Variants in SPHKAP observed in about 807,000 individuals in gnomAD.
SPHKAP encodes SPHK1 interactor, AKAP domain containing.
In SPHKAP, 67 loss-of-function variants were observed where a neutral mutation model predicts 137.5. The observed-to-expected ratio is 0.49, with a 90% CI of 0.40 to 0.60. The LOEUF is 0.60. Among genes scored for constraint, SPHKAP ranks in the 20% least tolerant of loss-of-function variants. SPHKAP has a pLI of 0.00. For missense variants in SPHKAP, 2,097 were observed against 2,069.3 expected, an observed-to-expected ratio of 1.01 and a Z score of -0.26; for synonymous variants, 813 against 785.3, an observed-to-expected ratio of 1.04 and a Z score of -0.59.
chr2:228,026,978 C>G (rs1695065140), intron 4 of SPHKAP, among the ~76,000 whole-genome samples: 1 of 152,206 alleles, frequency 6.6e-6, no homozygotes, highest in African/African-American at 2.4e-5. Context: ...ATTGTATCAG[C>G]AGGCTCTTGT....
intron 3 of SPHKAP, among the ~76,000 whole-genome samples, chr2:228,093,133 GT>G (rs1429912608): frequency 6.6e-6 from 1 of 152,174 alleles, no homozygotes; most frequent in Non-Finnish European, 1.5e-5. Context: ...ATAATAACAA[GT>G]TTTGGTGAAG....
chr2:228,178,570 C>T (rs964011441), intron 1 of SPHKAP, among the ~76,000 whole-genome samples: 8 of 151,662 alleles, frequency 5.3e-5, no homozygotes, highest in South Asian at 2.1e-4. Context: ...TCTAATTTTG[C>T]GACTTAGCAA....
At chr2:228,087,003 C>CATTGTTGAAATAT (rs1356121853) in intron 3 of SPHKAP, among the ~76,000 whole-genome samples, 3 of 152,070 alleles carry the variant, frequency 2.0e-5, no homozygotes, top group African/African-American at 7.2e-5. Flanking sequence ...ATTTATAGCC[C>CATTGTTGAAATAT]AGGGCATTGT....
intron 3 of SPHKAP, among the ~76,000 whole-genome samples, chr2:228,098,759 TAA>T (rs35722602): frequency 0.11 from 14,786 of 138,682 alleles, 819 homozygotes; most frequent in African/African-American, 0.15. Context: ...CCTTAAAGTA[TAA>T]AAAAAAAAAA....
intron 4 of SPHKAP, chr2:228,025,796 G>C (rs1695012914): frequency 1.2e-6 from 1 of 865,498 alleles, no homozygotes. Context: ...CATTATGATA[G>C]TAATTACTAT....
chr2:228,160,237 C>A (rs1700234739), intron 1 of SPHKAP, among the ~76,000 whole-genome samples: 1 of 152,184 alleles, frequency 6.6e-6, no homozygotes, highest in Non-Finnish European at 1.5e-5. Flanking sequence ...TGTTCTTTAG[C>A]TAGATCTATG....
intron 3 of SPHKAP, among the ~76,000 whole-genome samples, chr2:228,107,543 A>T (rs924999314): frequency 6.6e-6 from 1 of 152,168 alleles, no homozygotes; most frequent in African/African-American, 2.4e-5. Flanking sequence ...GACCCCCAAC[A>T]TATACTCTTT....
chr2:228,007,223 G>A (rs1694176812), intron 7 of SPHKAP, among the ~76,000 whole-genome samples: 1 of 152,026 alleles, frequency 6.6e-6, no homozygotes, highest in Non-Finnish European at 1.5e-5. Context: ...TCCATTTATG[G>A]GGTACGATAC....
intron 7 of SPHKAP, among the ~76,000 whole-genome samples, chr2:228,004,295 T>C (rs1694038074): frequency 6.6e-6 from 1 of 152,134 alleles, no homozygotes; most frequent in Non-Finnish European, 1.5e-5. Flanking sequence ...CTTGAGAGGG[T>C]GTATGTGTTG....
intron 3 of SPHKAP, among the ~76,000 whole-genome samples, chr2:228,104,024 G>A (rs2106341791): frequency 6.6e-6 from 1 of 151,882 alleles, no homozygotes; most frequent in South Asian, 2.1e-4. Flanking sequence ...TAAAATTTGA[G>A]GAGTCTGGGG....
intron 7 of SPHKAP, among the ~76,000 whole-genome samples, chr2:228,009,312 T>C (rs114586721): frequency 4.6e-5 from 7 of 152,298 alleles, no homozygotes; most frequent in Admixed American, 4.6e-4. Flanking sequence ...ATGATTTGCT[T>C]TTAATAATTT....
At chr2:228,094,667 GAATT>G (rs1697925488) in intron 3 of SPHKAP, among the ~76,000 whole-genome samples, 2 of 152,134 alleles carry the variant, frequency 1.3e-5, no homozygotes, top group Admixed American at 6.5e-5. Context: ...AGCTCCTTTG[GAATT>G]AATATCCAGT....
chr2:228,117,799 T>G (rs1464425846), intron 2 of SPHKAP, among the ~76,000 whole-genome samples: 3 of 151,146 alleles, frequency 2.0e-5, no homozygotes, highest in Non-Finnish European at 2.9e-5. Flanking sequence ...TCCCAGCCCC[T>G]GGCAACAACT....
At chr2:228,099,881 G>A (rs142569540) in intron 3 of SPHKAP, among the ~76,000 whole-genome samples, 10,002 of 150,530 alleles carry the variant, frequency 0.066, 483 homozygotes, top group Middle Eastern at 0.21. Flanking sequence ...ATGGAATCTC[G>A]CTCTGTGGCC....
intron 1 of SPHKAP, among the ~76,000 whole-genome samples, chr2:228,160,571 T>TG (rs1442958646): frequency 6.6e-6 from 1 of 152,164 alleles, no homozygotes; most frequent in Non-Finnish European, 1.5e-5. Context: ...AACAGCAGCA[T>TG]GGGGGGTAAT....
intron 7 of SPHKAP, among the ~76,000 whole-genome samples, chr2:228,012,221 A>C: frequency 6.7e-6 from 1 of 150,368 alleles, no homozygotes; most frequent in African/African-American, 2.4e-5. Context: ...ATGCATTGTT[A>C]TTTATTACAT....
chr2:228,133,077 C>T (rs1699310666), intron 1 of SPHKAP, among the ~76,000 whole-genome samples: 1 of 152,022 alleles, frequency 6.6e-6, no homozygotes, highest in Non-Finnish European at 1.5e-5. Flanking sequence ...GAGGCCGAGG[C>T]CGGTGGATTG....
chr2:228,067,645 T>G (rs1696869723), intron 3 of SPHKAP, among the ~76,000 whole-genome samples: 1 of 152,218 alleles, frequency 6.6e-6, no homozygotes, highest in Admixed American at 6.5e-5. Flanking sequence ...TGTTTTCTCT[T>G]TTTTATATTG....
chr2:228,131,582 G>A (rs1295088258), intron 2 of SPHKAP, among the ~76,000 whole-genome samples: 1 of 151,686 alleles, frequency 6.6e-6, no homozygotes, highest in African/African-American at 2.4e-5. Context: ...TTGTTTTATG[G>A]AAATATCAAA....
Sources: gnomAD v4.1 joint callset for allele counts (sites outside exome capture counted in the v4.1 genomes callset) on GRCh38, gnomAD v4.1.1 for gene constraint, MANE v1.5 for transcripts, NCBI Gene and HGNC (gene_info 2026-07-23, HGNC 2026-07-21) for gene names.